ABCG2: variants seen among roughly 807,000 people sequenced by gnomAD.
The protein encoded by ABCG2 is ATP binding cassette subfamily G member 2 (JR blood group).
Under a neutral mutation model 73.5 loss-of-function variants are expected in ABCG2, and 80 were observed. The ratio of observed to expected loss-of-function variants is 1.09; its 90% confidence interval spans 0.91 to 1.31. The LOEUF (loss-of-function observed/expected upper bound fraction) is 1.31. Ranked by LOEUF, ABCG2 falls within the 50% of genes most tolerant of loss-of-function variation. The pLI is 0.00. For synonymous variants in ABCG2, 269 were observed against 282.4 expected (o/e 0.95, Z 0.48); for missense variants, 796 against 786.2 (o/e 1.01, Z -0.15).
intron 10 of ABCG2, among the ~76,000 whole-genome samples, chr4:88,105,661 T>A (rs1251391791): frequency 1.3e-5 from 2 of 152,028 alleles, no homozygotes; most frequent in Non-Finnish European, 2.9e-5. Context: ...AGAAATTAGC[T>A]CACAGGCAAC....
At chr4:88,110,437 G>A (rs1195283903) in intron 9 of ABCG2, among the ~76,000 whole-genome samples, 1 of 152,062 alleles carries the variant, frequency 6.6e-6, no homozygotes, top group Non-Finnish European at 1.5e-5. Context: ...CAGCTACTCG[G>A]GAGGCTGAGG....
chr4:88,152,535 G>A (rs1267463998), intron 1 of ABCG2, among the ~76,000 whole-genome samples: 4 of 152,088 alleles, frequency 2.6e-5, no homozygotes, highest in South Asian at 2.1e-4. Flanking sequence ...GGTGCTCAGC[G>A]GGGGAGCTTT....
intron 5 of ABCG2, among the ~76,000 whole-genome samples, chr4:88,125,541 G>A (rs1398061398): frequency 6.9e-6 from 1 of 144,132 alleles, no homozygotes; most frequent in Admixed American, 7.1e-5. Context: ...CCAGGAGGTG[G>A]AGCTTGCAGT....
At chr4:88,220,465 A>G (rs938141879) in intron 1 of ABCG2, 7 of 152,244 alleles carry the variant, frequency 4.6e-5, no homozygotes, top group Admixed American at 2.0e-4. Context: ...CATTCTTGCC[A>G]ACAATTGTTA....
In ABCG2 at chr4:88,091,692, T is replaced by C. The variant is rs1394023769; in HGVS notation, c.*542A>G. On this transcript the variant is annotated 3_prime_UTR_variant, in exon 16 of 16. Transcript: ENST00000237612. ...CCACTAGACAGGAATATCAGTAAGTTCTATTAACTTTAATGTGCTTATCAA... is the reference window on the plus strand; with the variant it reads ...CCACTAGACAGGAATATCAGTAAGTCCTATTAACTTTAATGTGCTTATCAA... 1 of 152,400 alleles carries C rather than the reference T, an allele frequency of 6.6e-6. No homozygotes were observed. The highest frequency in any genetic ancestry group is 1.5e-5 in the Non-Finnish European group (1 of 68,222). 9.4% of individuals were successfully genotyped at this position (152,400 alleles called of 1,614,324 possible).
intron 1 of ABCG2, among the ~76,000 whole-genome samples, chr4:88,140,879 C>A (rs146674767): frequency 1.5e-4 from 22 of 151,630 alleles, no homozygotes; most frequent in African/African-American, 5.1e-4. Context: ...AAGTTAGGTA[C>A]GAAAATCATT....
intron 3 of ABCG2, among the ~76,000 whole-genome samples, chr4:88,132,137 A>C (rs187226760): frequency 3.2e-4 from 48 of 152,342 alleles, no homozygotes; most frequent in African/African-American, 1.1e-3. Flanking sequence ...ATTACAATAA[A>C]GCCCCAAAAC....
At chr4:88,147,054 G>GAAAGAAAA (rs1560713877) in intron 1 of ABCG2, among the ~76,000 whole-genome samples, 1 of 82,256 alleles carries the variant, frequency 1.2e-5, no homozygotes, top group East Asian at 2.5e-4. Context: ...AGAAAAGAAA[G>GAAAGAAAA]GTAAAGGAAA....
At chr4:88,098,428 C>T (rs1428599422) in intron 12 of ABCG2, among the ~76,000 whole-genome samples, 1 of 151,770 alleles carries the variant, frequency 6.6e-6, no homozygotes, top group Admixed American at 6.6e-5. Flanking sequence ...GTCTCCACAT[C>T]TACCAAACAA....
In ABCG2 at chr4:88,139,785, G is replaced by A. The variant is rs1279981754; in HGVS notation, c.203+8C>T. ...AAAAGCTGTCTTTTTACAAGTTCAT[G>A]TACATACTTGATATTCGATAATATT... On this transcript the variant is annotated splice_region_variant and intron_variant, in intron 2 of 15. Transcript: ENST00000237612. 13 of 1,611,400 alleles carry A rather than the reference G, an allele frequency of 8.1e-6. No individual in the cohort carries two copies. The highest frequency in any genetic ancestry group is 2.7e-5 in the African/African-American group (2 of 74,848).
chr4:88,183,428 G>C (rs2110101778), intron 1 of ABCG2, among the ~76,000 whole-genome samples: 1 of 152,180 alleles, frequency 6.6e-6, no homozygotes, highest in African/African-American at 2.4e-5. Context: ...GATCGTTAGA[G>C]TCACTATAAG....
intron 1 of ABCG2, among the ~76,000 whole-genome samples, chr4:88,219,139 T>C (rs1305393848): frequency 3.3e-5 from 5 of 152,254 alleles, no homozygotes; most frequent in Non-Finnish European, 7.3e-5. Flanking sequence ...TGAAGTTAAA[T>C]GTTCAGTTTG....
chr4:88,217,867 G>A (rs1022287122), intron 1 of ABCG2, among the ~76,000 whole-genome samples: 29 of 151,758 alleles, frequency 1.9e-4, no homozygotes, highest in African/African-American at 6.3e-4. Context: ...TTAGGAGACT[G>A]AAGTGGAAGG....
chr4:88,216,159 C>A (rs991112925), intron 1 of ABCG2, among the ~76,000 whole-genome samples: 7 of 152,186 alleles, frequency 4.6e-5, no homozygotes, highest in Non-Finnish European at 8.8e-5. Context: ...GTGGACAGAA[C>A]CTTGAGCGAT....
At chr4:88,195,956 A>G (rs1261299422) in intron 1 of ABCG2, among the ~76,000 whole-genome samples, 1 of 152,210 alleles carries the variant, frequency 6.6e-6, no homozygotes, top group Non-Finnish European at 1.5e-5. Flanking sequence ...GATTGAGCCC[A>G]TTCGCCCAGC....
At chr4:88,178,905 G>A (rs962001076) in intron 1 of ABCG2, among the ~76,000 whole-genome samples, 2 of 152,180 alleles carry the variant, frequency 1.3e-5, no homozygotes, top group African/African-American at 4.8e-5. Context: ...AGATTCCTGA[G>A]GTTTCCAACT....
At chr4:88,225,149 T>G (rs1730157501) in intron 1 of ABCG2, among the ~76,000 whole-genome samples, 1 of 152,068 alleles carries the variant, frequency 6.6e-6, no homozygotes, top group Non-Finnish European at 1.5e-5. Flanking sequence ...ACAGCAGGGG[T>G]TGGTAAACTT....
At chr4:88,159,003 C>T (rs1323445047), upstream of ABCG2, 1 of 365,690 alleles carries the variant, frequency 2.7e-6, no homozygotes, top group Non-Finnish European at 5.4e-6. Context: ...GATAAGCGCC[C>T]TGCGACCCGG....
chr4:88,136,679 C>G (rs1725266160), intron 2 of ABCG2, among the ~76,000 whole-genome samples: 1 of 152,122 alleles, frequency 6.6e-6, no homozygotes, highest in Non-Finnish European at 1.5e-5. Context: ...GCACTCCAGC[C>G]TGGGCAACAA....
Sources: allele counts gnomAD v4.1 joint callset (sites outside exome capture counted in the v4.1 genomes callset), GRCh38; gene constraint gnomAD v4.1.1; transcripts MANE v1.5; gene names NCBI Gene and HGNC (gene_info 2026-07-23, HGNC 2026-07-21).